The following DISC1 variants were observed in gnomAD, a reference collection of about 807,000 sequenced individuals.
DISC1 encodes the protein disrupted in schizophrenia 1 protein.
A neutral mutation model predicts 84.5 loss-of-function variants in DISC1; 57 were observed. The observed-to-expected ratio is 0.67, with a 90% CI of 0.55 to 0.84. DISC1 has a LOEUF of 0.84. DISC1 is among the 40% of genes least tolerant of loss of function. DISC1 has a pLI of 0.00. For missense variants in DISC1, 1,000 were observed against 1,057.8 expected (o/e 0.95, Z 0.76); for synonymous variants, 411 against 415.2 (o/e 0.99, Z 0.12).
intron 1 of DISC1, among the ~76,000 whole-genome samples, chr1:231,654,655 C>G (rs1188745199): frequency 6.6e-6 from 1 of 152,208 alleles, no homozygotes; most frequent in Non-Finnish European, 1.5e-5. Flanking sequence ...AACCACCATT[C>G]TATTCTCTAC....
intron 9 of DISC1, among the ~76,000 whole-genome samples, chr1:231,843,374 G>A (rs554192109): frequency 1.5e-3 from 221 of 152,258 alleles, no homozygotes; most frequent in African/African-American, 5.2e-3. Context: ...TACCACTTAA[G>A]GAGCTTGGAA....
chr1:231,980,611 A>G (rs935500420), intron 10 of DISC1, among the ~76,000 whole-genome samples: 3 of 152,248 alleles, frequency 2.0e-5, no homozygotes, highest in African/African-American at 7.2e-5. Flanking sequence ...TGGTTTTAAT[A>G]GTAATTGATG....
chr1:231,644,779 C>T (rs1293731474), intron 1 of DISC1, among the ~76,000 whole-genome samples: 2 of 152,062 alleles, frequency 1.3e-5, no homozygotes, highest in Non-Finnish European at 2.9e-5. Context: ...CTAGTTCTTT[C>T]TATATCTTTG....
At chr1:231,810,230 CAG>C (rs2080165791) in intron 8 of DISC1, among the ~76,000 whole-genome samples, 1 of 151,154 alleles carries the variant, frequency 6.6e-6, no homozygotes. Context: ...TGCTCAAGGC[CAG>C]ACCTACACAG....
intron 10 of DISC1, among the ~76,000 whole-genome samples, chr1:231,993,480 G>C (rs1174319375): frequency 2.0e-5 from 3 of 152,052 alleles, no homozygotes; most frequent in Non-Finnish European, 4.4e-5. Flanking sequence ...AGTAGTACTG[G>C]AAATGGGGAA....
chr1:231,741,357 C>T (rs561909364), intron 3 of DISC1, among the ~76,000 whole-genome samples: 13 of 152,132 alleles, frequency 8.5e-5, no homozygotes, highest in Admixed American at 8.5e-4. Context: ...AGATTTATGT[C>T]TTATATTCAT....
chr1:231,960,587 C>G (rs1660256060), intron 10 of DISC1, among the ~76,000 whole-genome samples: 1 of 152,148 alleles, frequency 6.6e-6, no homozygotes, highest in Non-Finnish European at 1.5e-5. Flanking sequence ...TGATTGGACA[C>G]TTATGAGTGG....
At chr1:231,944,429 C>G (rs1385407814) in intron 9 of DISC1, among the ~76,000 whole-genome samples, 1 of 152,220 alleles carries the variant, frequency 6.6e-6, no homozygotes, top group Non-Finnish European at 1.5e-5. Flanking sequence ...AGCCTTGTCC[C>G]TTGTGCTAAC....
chr1:231,667,044 G>A (rs2062089856), intron 1 of DISC1, among the ~76,000 whole-genome samples: 1 of 152,188 alleles, frequency 6.6e-6, no homozygotes, highest in South Asian at 2.1e-4. Flanking sequence ...TGGCTTCCCT[G>A]CTATGATCCC....
chr1:231,949,642 A>G (rs958433867), intron 9 of DISC1, among the ~76,000 whole-genome samples: 6 of 152,224 alleles, frequency 3.9e-5, no homozygotes, highest in African/African-American at 1.4e-4. Flanking sequence ...TGGCTGCCTT[A>G]CGGGGGCGCC....
intron 3 of DISC1, among the ~76,000 whole-genome samples, chr1:231,713,862 T>G (rs567187341): frequency 6.8e-5 from 10 of 148,082 alleles, no homozygotes; most frequent in African/African-American, 1.7e-4. Flanking sequence ...ATATAGGAGA[T>G]ATATATATAT....
intron 7 of DISC1, among the ~76,000 whole-genome samples, chr1:231,797,414 T>A (rs1212367424): frequency 6.6e-6 from 1 of 152,150 alleles, no homozygotes; most frequent in Non-Finnish European, 1.5e-5. Context: ...ACAACAGAAA[T>A]TTAATTCCCA....
chr1:231,910,268 C>T (rs1338536142), intron 9 of DISC1, among the ~76,000 whole-genome samples: 2 of 152,086 alleles, frequency 1.3e-5, no homozygotes, highest in South Asian at 2.1e-4. Flanking sequence ...TGTGATGTTA[C>T]GGTGTCAATT....
rs112162909 is a variant in DISC1 at position 231,784,175 on chromosome 1, A to G, written c.1635-11067A>G. On this transcript the variant is annotated intron_variant, in intron 6 of 12. Coordinates refer to ENST00000439617, the MANE Select transcript of DISC1 (RefSeq NM_018662.3). ...CTACTCAGGAGGCTGAGGCAGTACAATCGCTTGAACCCGGGAGGCAGAGGT... is the reference window on the plus strand; with the variant it reads ...CTACTCAGGAGGCTGAGGCAGTACAGTCGCTTGAACCCGGGAGGCAGAGGT... Among the ~76,000 whole-genome samples the G allele has an allele frequency of 3.0e-3, 449 of 152,066 alleles. 4 individuals carry two copies. The highest frequency in any genetic ancestry group is 0.01 in the African/African-American group (425 of 41,478).
intron 4 of DISC1, among the ~76,000 whole-genome samples, chr1:231,751,061 T>A (rs2074555998): frequency 6.6e-6 from 1 of 152,244 alleles, no homozygotes; most frequent in Admixed American, 6.5e-5. Flanking sequence ...TGGTAGGTGC[T>A]TCCTTATAAC....
intron 6 of DISC1, among the ~76,000 whole-genome samples, chr1:231,781,160 TAAAA>T (rs56779223): frequency 8.5e-6 from 1 of 117,914 alleles, no homozygotes; most frequent in Non-Finnish European, 1.7e-5. Context: ...AAAGTATAAT[TAAAA>T]AAAAAAAAAA....
At chr1:231,694,832 C>CCGAGATTGT in intron 2 of DISC1, 27 bp downstream of exon 2, 1 of 1,609,724 alleles carries the variant, frequency 6.2e-7, no homozygotes, top group Non-Finnish European at 8.5e-7. Context: ...CCTCTGTGGC[C>CCGAGATTGT]CGAGATTGTC....
intron 4 of DISC1, among the ~76,000 whole-genome samples, chr1:231,752,066 G>C (rs1429144030): frequency 6.6e-6 from 1 of 152,186 alleles, no homozygotes; most frequent in Non-Finnish European, 1.5e-5. Flanking sequence ...CCAACTGTCT[G>C]GCTTGCATCT....
chr1:231,701,775 AT>A (rs973012453), intron 2 of DISC1, among the ~76,000 whole-genome samples, 179 bp from the exon 3 acceptor site: 3 of 151,582 alleles, frequency 2.0e-5, no homozygotes, highest in East Asian at 1.9e-4. Context: ...CTTTACATAG[AT>A]TTTTTTTGGA....
Sources: allele counts gnomAD v4.1 joint callset (sites outside exome capture counted in the v4.1 genomes callset), GRCh38; gene constraint gnomAD v4.1.1; transcripts MANE v1.5; gene names NCBI Gene and HGNC (gene_info 2026-07-23, HGNC 2026-07-21).